MASTL: variants seen among roughly 807,000 people sequenced by gnomAD.
The protein encoded by MASTL is microtubule associated serine/threonine kinase like.
In MASTL, 54 loss-of-function variants were observed where a neutral mutation model predicts 82.5. That is an observed-to-expected ratio of 0.65 (90% confidence interval 0.53 to 0.82). The LOEUF is 0.82. MASTL is among the 40% of genes least tolerant of loss of function. The probability of loss-of-function intolerance (pLI) is 0.00; values close to 1 mark genes in which losing one functional copy is unlikely to be tolerated. For synonymous variants in MASTL, 323 were observed against 368.9 expected, an observed-to-expected ratio of 0.88 and a Z score of 1.43; for missense variants, 950 against 1,047.8, an observed-to-expected ratio of 0.91 and a Z score of 1.29.
chr10:27,165,095 A>G lies in MASTL; in HGVS notation c.585A>G (p.Pro195=). 1 of 1,611,316 alleles carries G rather than the reference A, an allele frequency of 6.2e-7. No homozygotes were observed. Among genetic ancestry groups the G allele is most frequent in the Non-Finnish European group, 8.5e-7 (1 of 1,177,454 alleles). Residue 195 remains proline, a synonymous_variant, in exon 5 of 12, where the codon CCA becomes CCG. Transcript: ENST00000375940. ...DINMMDILTT[P]SMAKPRQDYS... The stretch of plus-strand genomic sequence containing the variant: ...ATATGATGGATATCCTTACAACACC[A>G]TCAATGGCAAAACCTAGACAAGATT...
At chr10:27,161,284 G>A (rs901240403) in intron 4 of MASTL, 102 bp downstream of exon 4, 41 of 690,534 alleles carry the variant, frequency 5.9e-5, no homozygotes, top group Non-Finnish European at 1.1e-4. Context: ...AAGGCGGGCA[G>A]ATCACCTGAG....
Position 27,186,590 on chromosome 10 carries a change from T to C in MASTL, c.*54T>C. The C allele has an allele frequency of 7.0e-7, 1 of 1,424,130 alleles. No homozygotes were observed. The highest frequency in any genetic ancestry group is 9.9e-7 in the Non-Finnish European group (1 of 1,005,764). The allele number at this position is 1,424,130 out of a possible 1,614,324, so 88.2% of individuals were successfully genotyped here. ...TGTGTTATAGAATGAACTTGCATAA[T>C]TATATACTCCTTAATACTAGATTGA... is the stretch of plus-strand genomic sequence containing the variant. On this transcript the variant is annotated 3_prime_UTR_variant, in exon 12 of 12. Transcript: ENST00000375940.
intron 1 of MASTL, 80 bp downstream of exon 1, chr10:27,155,692 G>A: frequency 6.5e-7 from 1 of 1,543,664 alleles, no homozygotes; most frequent in Non-Finnish European, 8.9e-7. Context: ...GCAGGCCCCG[G>A]GGTTGCTGGA....
rs200347590 is a variant in MASTL, at chr10:27,170,030, G to A, written c.1071G>A (p.Thr357=). The change falls in exon 8 of 12, where the codon ACG becomes ACA. Residue 357 remains threonine, a synonymous_variant. Coordinates refer to ENST00000375940, the MANE Select transcript of MASTL (RefSeq NM_001172303.3). ...CAAAATCTGCAAATGCCATTGAGAC[G>A]AAAGGTTTCAATAAAAAGGATCTGG... is the stretch of plus-strand genomic sequence containing the variant. ...LCAKSANAIE[T]KGFNKKDLEL... 9 of 1,614,106 alleles carry A rather than the reference G, an allele frequency of 5.6e-6. No individual in the cohort carries two copies. Among genetic ancestry groups the A allele is most frequent in the East Asian group, 2.2e-5 (1 of 44,884 alleles).
At chr10:27,163,666 G>A (rs1484009982) in intron 4 of MASTL, among the ~76,000 whole-genome samples, 4 of 149,510 alleles carry the variant, frequency 2.7e-5, no homozygotes, top group Admixed American at 1.3e-4. Context: ...TTTGTTGCCC[G>A]GGCTGGAGTG....
At chr10:27,185,636 AAATT>A (rs922380629) in intron 11 of MASTL, among the ~76,000 whole-genome samples, 1 of 150,882 alleles carries the variant, frequency 6.6e-6, no homozygotes, top group African/African-American at 2.4e-5. Context: ...AAAAAAAAAA[AAATT>A]AGCCAGGCAT....
At chr10:27,154,857 T>TG (rs1206963070), upstream of MASTL, 4 of 158,324 alleles carry the variant, frequency 2.5e-5, no homozygotes, top group Non-Finnish European at 5.6e-5. Context: ...CTCTCCCTGT[T>TG]GGTCCTGATC....
chr10:27,155,309 G>A, upstream of MASTL: 1 of 1,009,232 alleles, frequency 9.9e-7, no homozygotes, highest in Non-Finnish European at 1.4e-6. Context: ...GGGGCGCGGC[G>A]GCGGGGTGAC....
rs112917278 is a variant in MASTL, at chr10:27,161,286, T to C, written c.553+104T>C. 319 of 679,668 alleles carry C rather than the reference T, an allele frequency of 4.7e-4. No individual in the cohort carries two copies. In the African/African-American group the frequency reaches 5.0e-3, roughly 11 times the overall value. The allele number at this position is 679,668 out of a possible 1,614,324, so 42.1% of individuals were successfully genotyped here. ...ACTTTGGGAGGCCAAGGCGGGCAGA[T>C]CACCTGAGGTCAGGAGTTAGAGACC... On this transcript the variant is annotated intron_variant, in intron 4 of 11. Coordinates refer to ENST00000375940, the MANE Select transcript of MASTL (RefSeq NM_001172303.3).
chr10:27,178,157 C>T (rs1588715073), intron 9 of MASTL, among the ~76,000 whole-genome samples: 1 of 152,098 alleles, frequency 6.6e-6, no homozygotes, highest in African/African-American at 2.4e-5. Context: ...TTTGGGAGGC[C>T]GAGTCAGGCA....
At chr10:27,157,784 C>A (rs1245190762) in intron 1 of MASTL, among the ~76,000 whole-genome samples, 1 of 151,926 alleles carries the variant, frequency 6.6e-6, no homozygotes. Flanking sequence ...TCTAATCATT[C>A]CAACTTAAGA....
intron 9 of MASTL, among the ~76,000 whole-genome samples, chr10:27,179,575 GA>G (rs1029665988): frequency 1.3e-5 from 2 of 151,802 alleles, no homozygotes; most frequent in African/African-American, 4.8e-5. Flanking sequence ...AACAAACAAA[GA>G]AAAAAAACTT....
At chr10:27,169,903 C>T (rs1446909663) in intron 7 of MASTL, 41 bp from the exon 8 acceptor site, 2 of 1,601,322 alleles carry the variant, frequency 1.2e-6, no homozygotes, top group South Asian at 2.2e-5. Context: ...CAATGAATCT[C>T]AGCTTTATAT....
At chr10:27,181,806 G>C (rs1456203904) in intron 11 of MASTL, among the ~76,000 whole-genome samples, 1 of 152,056 alleles carries the variant, frequency 6.6e-6, no homozygotes, top group Non-Finnish European at 1.5e-5. Context: ...CGGGTGTGGT[G>C]GCTCAGGCCT....
intron 11 of MASTL, among the ~76,000 whole-genome samples, chr10:27,183,297 T>C (rs2058434520): frequency 7.1e-6 from 1 of 141,666 alleles, no homozygotes; most frequent in South Asian, 2.4e-4. Flanking sequence ...GTTGTTGTTG[T>C]TGAGACAGAG....
At chr10:27,154,535 G>A (rs577201909), upstream of MASTL, 1 of 458,834 alleles carries the variant, frequency 2.2e-6, no homozygotes, top group East Asian at 3.4e-5. Flanking sequence ...GTTTTTTAAG[G>A]GGAGAACAGC....
In MASTL at chr10:27,187,676, C is replaced by G. The variant is rs1392954017; in HGVS notation, c.*1140C>G. Among the ~76,000 whole-genome samples, 1 of 151,036 alleles carries G rather than the reference C, an allele frequency of 6.6e-6. No homozygotes were observed. The highest frequency in any genetic ancestry group is 1.9e-4 in the East Asian group (1 of 5,136). ...CTGAGGCATGAGAATCGCTTGAACC[C>G]AGGAGGTGGAGATTGCAGTGAGCTG... On this transcript the variant is annotated 3_prime_UTR_variant, in exon 12 of 12. Coordinates refer to ENST00000375940, the MANE Select transcript of MASTL (RefSeq NM_001172303.3).
intron 1 of MASTL, 131 bp downstream of exon 1, chr10:27,155,743 G>GC (rs983080802): frequency 1.0e-6 from 1 of 985,674 alleles, no homozygotes; most frequent in Non-Finnish European, 1.6e-6. Flanking sequence ...AGCCTCCAGA[G>GC]CCCTGCGAGC....
intron 1 of MASTL, 80 bp from the exon 2 acceptor site, chr10:27,158,469 T>C: frequency 8.7e-7 from 1 of 1,151,216 alleles, no homozygotes; most frequent in Non-Finnish European, 1.3e-6. Flanking sequence ...ATCATGCCAC[T>C]GCACTCAGCC....
Sources: gnomAD v4.1 joint callset for allele counts (sites outside exome capture counted in the v4.1 genomes callset) on GRCh38, gnomAD v4.1.1 for gene constraint, MANE v1.5 for transcripts, NCBI Gene and HGNC (gene_info 2026-07-23, HGNC 2026-07-21) for gene names.